FLG: variants seen among roughly 807,000 people sequenced by gnomAD.
The protein encoded by FLG is filaggrin.
A neutral mutation model predicts 3.8 loss-of-function variants in FLG; 6 were observed. That is an observed-to-expected ratio of 1.60 (90% CI 0.87 to 3.15). The LOEUF is 3.15. Ranked by LOEUF, FLG falls within the 30% of genes most tolerant of loss-of-function variation. The pLI is 0.00. For missense variants in FLG, 7,595 were observed against 5,050.9 expected (o/e 1.50, Z -15.27); for synonymous variants, 2,551 against 1,931.6 (o/e 1.32, Z -8.41).
rs1651711174 is a variant in FLG, at chr1:152,303,216, A to T, written c.11670T>A (p.Ser3890=). The change falls in exon 3 of 3, where the codon TCT becomes TCA. Residue 3890 remains serine (S), a synonymous_variant. Transcript: ENST00000368799. ...AGCCATCTCTTGACTGCTCCCGAGA[A>T]GATCCATGATGGTTTCTGGAAGCAG... The part of the protein sequence containing the change: ...SESASRNHHG[S]SREQSRDGSR... The T allele has an allele frequency of 1.2e-6, 2 of 1,613,988 alleles. No individual in the cohort carries two copies. The highest frequency in any genetic ancestry group is 2.7e-5 in the African/African-American group (2 of 74,886).
chr1:152,303,196 T>A lies in FLG; in HGVS notation c.11690A>T (p.Asp3897Val), dbSNP rs1047506242. 1 of 1,613,922 alleles carries A rather than the reference T, an allele frequency of 6.2e-7. No homozygotes were observed. Among genetic ancestry groups the A allele is most frequent in the Non-Finnish European group, 8.5e-7 (1 of 1,180,016 alleles). The change falls in exon 3 of 3, where the codon GAT becomes GTT. Residue 3897 changes from aspartate to valine, a missense_variant. By Grantham distance (152) the Asp-to-Val change is radical (BLOSUM62 -3). Coordinates refer to ENST00000368799, the MANE Select transcript of FLG (RefSeq NM_002016.2). ...AGAGGATCCGGGGTGTCTGGAGCCA[T>A]CTCTTGACTGCTCCCGAGAAGATCC... ...HHGSSREQSR[D>V]GSRHPGSSHR...
At chr1:152,320,169 G>A (rs572924716) in intron 1 of FLG, among the ~76,000 whole-genome samples, 1 of 150,990 alleles carries the variant, frequency 6.6e-6, no homozygotes, top group South Asian at 2.1e-4. Context: ...TAATTAACTG[G>A]TAAATATTAA....
chr1:152,323,201 C>A (rs115786466), intron 1 of FLG, among the ~76,000 whole-genome samples: 1 of 151,410 alleles, frequency 6.6e-6, no homozygotes, highest in East Asian at 1.9e-4. Flanking sequence ...AAGAGATAAA[C>A]GAAGATAACA....
Position 152,310,882 on chromosome 1 carries a change from T to G in FLG, c.4004A>C (p.Glu1335Ala). 6.2e-7 allele frequency: 1 copy of G among 1,614,052 alleles called. No homozygotes were observed. Among genetic ancestry groups the G allele is most frequent in the Non-Finnish European group, 8.5e-7 (1 of 1,179,976 alleles). The change falls in exon 3 of 3, where the codon GAG becomes GCG. Residue 1335 changes from glutamate (E) to alanine (A), a missense_variant. Physicochemically the swap from Glu to Ala is moderately radical, Grantham distance 107 (BLOSUM62 -1). Transcript: ENST00000368799. ...CACAGCCTGTCCATGAGAGGAAGAC[T>G]CTGTGTGATGAGTGCCTGATTGTCT... Reference protein sequence around the residue: ...SSRQSGTHHTESSSHGQAVSS... With the variant: ...SSRQSGTHHTASSSHGQAVSS...
intron 1 of FLG, among the ~76,000 whole-genome samples, chr1:152,321,466 G>A (rs1168362315): frequency 6.6e-6 from 1 of 150,934 alleles, no homozygotes; most frequent in Non-Finnish European, 1.5e-5. Context: ...CCAATATCAG[G>A]AAAGTAAAAG....
In FLG at chr1:152,306,946, C is replaced by G; in HGVS notation, c.7940G>C (p.Arg2647Thr). The change falls in exon 3 of 3, where the codon AGA becomes ACA. Residue 2647 changes from arginine (R) to threonine (T), a missense_variant. Transcript: ENST00000368799. Reference sequence around the variant, plus strand: ...TCCATGTCTTTCTCCTGCACTTGATCTTGCCTGTTCATGGGATGATGCAGC... The same window carrying G: ...TCCATGTCTTTCTCCTGCACTTGATGTTGCCTGTTCATGGGATGATGCAGC... Reference protein sequence around the residue: ...GQAASSHEQARSSAGERHGSH... With the variant: ...GQAASSHEQATSSAGERHGSH... 6.7e-7 allele frequency: 1 copy of G among 1,500,558 alleles called. No individual in the cohort carries two copies. Among genetic ancestry groups the G allele is most frequent in the Non-Finnish European group, 9.1e-7 (1 of 1,097,686 alleles). 93.0% of individuals were successfully genotyped at this position (1,500,558 alleles called of 1,614,324 possible).
rs1460017392 is a variant in FLG, at chr1:152,313,305, C to T, written c.1581G>A (p.Arg527=). 3 of 1,613,592 alleles carry T rather than the reference C, an allele frequency of 1.9e-6. No individual in the cohort carries two copies. Among genetic ancestry groups the T allele is most frequent in the Non-Finnish European group, 2.5e-6 (3 of 1,179,932 alleles). Residue 527 remains arginine, a synonymous_variant, in exon 3 of 3, where the codon AGG becomes AGA. Transcript: ENST00000368799. ...CCGATTGCTCGTGGTGGGATCCCTG[C>T]CTTCCTCCTCTGCTTGACCCCGGGT... The part of the protein sequence containing the change: ...RGHPGSSRGG[R]QGSHHEQSVN...
chr1:152,309,555 G>T lies in FLG; in HGVS notation c.5331C>A (p.Ser1777=). 6.2e-7 allele frequency: 1 copy of T among 1,613,672 alleles called. No individual in the cohort carries two copies. Among genetic ancestry groups the T allele is most frequent in the South Asian group, 1.1e-5 (1 of 91,050 alleles). The change falls in exon 3 of 3, where the codon TCC becomes TCA. Residue 1777 remains serine, a synonymous_variant. Coordinates refer to ENST00000368799, the MANE Select transcript of FLG (RefSeq NM_002016.2). ...TGCTGGGCCCTGTGCGTCCATGGGC[G>T]GACTCAGACTGTTCATGAGTGCTCA... ...YQVSTHEQSE[S]AHGRTGPSTG...
At position 152,305,051 on chromosome 1, in the gene FLG, C is replaced by T. The variant is rs115482787; in HGVS notation, c.9835G>A (p.Ala3279Thr). Residue 3279 changes from alanine (A) to threonine (T), a missense_variant, in exon 3 of 3, where the codon GCA becomes ACA. By Grantham distance (58) the Ala-to-Thr change is moderately conservative. Transcript: ENST00000368799. ...DRSRQSGTRH[A>T]ETSSGGQAAS... ...GCCTGTCCACCAGAGGAAGTCTCTG[C>T]GTGACGAGTGCCTGATTGTCTGGAG... 212 of 1,613,710 alleles carry T rather than the reference C, an allele frequency of 1.3e-4. 1 individual carries two copies. The highest frequency in any genetic ancestry group is 1.8e-4 in the East Asian group (8 of 44,830).
At position 152,311,247 on chromosome 1, in the gene FLG, G is replaced by A. The variant is rs758858821; in HGVS notation, c.3639C>T (p.Ser1213=). ...TACGAGTTTGTCTGCTTGCACTTCT[G>A]GATCCTGACTGCCCATGGGAGGCAT... ...RSDASHGQSG[S]RSASRQTRKD... The change falls in exon 3 of 3, where the codon TCC becomes TCT. Residue 1213 remains serine, a synonymous_variant. Transcript: ENST00000368799. The A allele has an allele frequency of 6.2e-7, 1 of 1,613,746 alleles. No homozygotes were observed. The highest frequency in any genetic ancestry group is 8.5e-7 in the Non-Finnish European group (1 of 1,179,938).
chr1:152,313,297 G>T lies in FLG; in HGVS notation c.1589C>A (p.Ser530Tyr), dbSNP rs747437245. The T allele has an allele frequency of 4.1e-5, 66 of 1,613,626 alleles. No homozygotes were observed. Among genetic ancestry groups the T allele is most frequent in the Admixed American group, 1.2e-4 (7 of 59,982 alleles). Reference sequence around the variant, plus strand: ...CCTATTTACCGATTGCTCGTGGTGGGATCCCTGCCTTCCTCCTCTGCTTGA... The same window carrying T: ...CCTATTTACCGATTGCTCGTGGTGGTATCCCTGCCTTCCTCCTCTGCTTGA... ...PGSSRGGRQG[S>Y]HHEQSVNRSG... Residue 530 changes from serine to tyrosine, a missense_variant, in exon 3 of 3, where the codon TCC becomes TAC. Ser to Tyr is a moderately radical substitution (Grantham distance 144). Transcript: ENST00000368799.
At position 152,307,410 on chromosome 1, in the gene FLG, G is replaced by A. The variant is rs750954047; in HGVS notation, c.7476C>T (p.His2492=). ...ACCTTCCCTGGGATGTGGTGTGGCTGTGATGAGACCCTGAGTGTCCAGATC... is the reference window on the plus strand; with the variant it reads ...ACCTTCCCTGGGATGTGGTGTGGCTATGATGAGACCCTGAGTGTCCAGATC... The part of the protein sequence containing the change: ...VDRSGHSGSH[H]SHTTSQGRSD... The change falls in exon 3 of 3, where the codon CAC becomes CAT. Residue 2492 remains histidine (H), a synonymous_variant. Coordinates refer to ENST00000368799, the MANE Select transcript of FLG (RefSeq NM_002016.2). The A allele has an allele frequency of 1.9e-6, 3 of 1,613,286 alleles. No individual in the cohort carries two copies. Among genetic ancestry groups the A allele is most frequent in the East Asian group, 4.5e-5 (2 of 44,762 alleles).
rs772983483 is a variant in FLG at position 152,304,058 on chromosome 1, G to A, written c.10828C>T (p.Gln3610Ter). ...GCCTGTTCATGGGATGATGCAGCCT[G>A]TCCACCAGAGGAATTCTCTGCATGA... ...THHAENSSGG[Q>*]AASSHEQARS... The change falls in exon 3 of 3, where the codon CAG (glutamine) becomes TAG (stop). Residue 3610 changes from glutamine to a stop codon, truncating the protein, a stop_gained. Coordinates refer to ENST00000368799, the MANE Select transcript of FLG (RefSeq NM_002016.2). LOFTEE classifies it low-confidence loss of function (END_TRUNC). The A allele has an allele frequency of 1.4e-5, 23 of 1,613,102 alleles. No homozygotes were observed. Among genetic ancestry groups the A allele is most frequent in the Middle Eastern group, 3.3e-4 (2 of 6,082 alleles).
Position 152,312,856 on chromosome 1 carries a change from G to A in FLG, c.2030C>T (p.Ser677Phe), listed in dbSNP as rs770136466. ...TGTGTGACGAGTGCCTGATTTTCTGGAGCTGTCTGCAGAGTGCCCATGACC... is the reference window on the plus strand; with the variant it reads ...TGTGTGACGAGTGCCTGATTTTCTGAAGCTGTCTGCAGAGTGCCCATGACC... ...RAGHGHSADS[S>F]RKSGTRHTQN... Residue 677 changes from serine to phenylalanine, a missense_variant, in exon 3 of 3, where the codon TCC becomes TTC. Transcript: ENST00000368799. The A allele has an allele frequency of 1.9e-5, 30 of 1,614,040 alleles. No individual in the cohort carries two copies. The Admixed American group carries it at 4.8e-4, about 26-fold the overall frequency.
rs111939167 is a variant in FLG, at chr1:152,304,127, C to T, written c.10759G>A (p.Gly3587Ser). Residue 3587 changes from glycine to serine, a missense_variant, in exon 3 of 3, where the codon GGT (glycine) becomes AGT (serine). By Grantham distance (56) the Gly-to-Ser change is moderately conservative (BLOSUM62 0). Transcript: ENST00000368799. ...HPTSHHEDRA[G>S]HGHSAESSRQ... ...GAGCTCTCTGCAGAGTGCCCGTGAC[C>T]GGCTCTGTCTTCGTGATGGGACGTG... is the stretch of plus-strand genomic sequence containing the variant. 1,154 of 1,585,862 alleles carry T rather than the reference C, an allele frequency of 7.3e-4. 33 individuals carry two copies. In the African/African-American group the frequency reaches 0.013, roughly 18 times the overall value.
chr1:152,309,464 C>G lies in FLG; in HGVS notation c.5422G>C (p.Glu1808Gln), dbSNP rs750597343. Residue 1808 changes from glutamate (E) to glutamine (Q), a missense_variant, in exon 3 of 3, where the codon GAG becomes CAG. Coordinates refer to ENST00000368799, the MANE Select transcript of FLG (RefSeq NM_002016.2). ...RDSSRHSASQ[E>Q]GQDTIRGHPG... is the part of the protein sequence containing the mutation. ...TGTCCACGAATGGTGTCCTGACCCT[C>G]TTGGGACGCTGAGTGCCTGGAGCTG... The G allele has an allele frequency of 2.5e-6, 4 of 1,613,046 alleles. No homozygotes were observed. The South Asian group carries it at 4.4e-5, about 18-fold the overall frequency.
rs555235287 is a variant in FLG at position 152,309,345 on chromosome 1, C to G, written c.5541G>C (p.Thr1847=). 6.2e-6 allele frequency: 10 copies of G among 1,613,474 alleles called. No individual in the cohort carries two copies. Among genetic ancestry groups the G allele is most frequent in the Admixed American group, 1.7e-5 (1 of 59,946 alleles). Residue 1847 remains threonine (T), a synonymous_variant, in exon 3 of 3, where the codon ACG becomes ACC. Coordinates refer to ENST00000368799, the MANE Select transcript of FLG (RefSeq NM_002016.2). ...GHSGSHHSHT[T]SQERSDVSRG... is the part of the protein sequence containing the mutation. ...GGGAGACATCAGACCTTTCCTGGGA[C>G]GTGGTGTGGCTGTGATGAGACCCTG...
At position 152,314,773 on chromosome 1, in the gene FLG, A is replaced by ACT. The variant is rs759758332; in HGVS notation, c.139-27_139-26insAG. The ACT allele has an allele frequency of 7.4e-6, 12 of 1,613,522 alleles. No homozygotes were observed. In the South Asian group the frequency reaches 1.3e-4, roughly 18 times the overall value. The stretch of plus-strand genomic sequence containing the variant: ...CTGTACAGAGGGAAGTCACAGAGGG[A>ACT]GACTGCATCAGACAGAATCACATTA... On this transcript the variant is annotated intron_variant, in intron 2 of 2. Transcript: ENST00000368799.
chr1:152,309,604 C>T lies in FLG; in HGVS notation c.5282G>A (p.Arg1761His), dbSNP rs375545359. The T allele has an allele frequency of 5.6e-6, 9 of 1,613,798 alleles. No homozygotes were observed. Among genetic ancestry groups the T allele is most frequent in the African/African-American group, 1.3e-5 (1 of 74,836 alleles). Reference sequence around the variant, plus strand: ...CACCTGGTAGAGGAAAGACCCTGAACGTCCAGACCTTTCCCCTGACTGGCC... The same window carrying T: ...CACCTGGTAGAGGAAAGACCCTGAATGTCCAGACCTTTCCCCTGACTGGCC... ...TRGQSGERSG[R>H]SGSFLYQVST... Residue 1761 changes from arginine (R) to histidine (H), a missense_variant, in exon 3 of 3, where the codon CGT (arginine) becomes CAT (histidine). Physicochemically the swap from Arg to His is conservative, Grantham distance 29. Transcript: ENST00000368799.
Sources: allele counts gnomAD v4.1 joint callset (sites outside exome capture counted in the v4.1 genomes callset), GRCh38; gene constraint gnomAD v4.1.1; transcripts MANE v1.5; gene names NCBI Gene and HGNC (gene_info 2026-07-23, HGNC 2026-07-21).